Variants in EYS observed in about 807,000 individuals in gnomAD.
EYS encodes the protein EGF-like photoreceptor maintenance factor, also known as protein eyes shut homolog.
Under a neutral mutation model 282.1 loss-of-function variants are expected in EYS, and 250 were observed. That is an observed-to-expected ratio of 0.89 (90% confidence interval 0.80 to 0.98). The LOEUF (loss-of-function observed/expected upper bound fraction) is 0.98, where lower values mean the gene tolerates loss of function less well. Ranked by LOEUF, EYS falls within the 50% of genes least tolerant of loss-of-function variation. The pLI, the probability that EYS is intolerant of heterozygous loss-of-function variation, is 0.00. For missense variants in EYS, 4,016 were observed against 3,709.0 expected, an observed-to-expected ratio of 1.08 and a Z score of -2.15; for synonymous variants, 1,355 against 1,282.9, an observed-to-expected ratio of 1.06 and a Z score of -1.20.
At chr6:64,616,827 A>T (rs1767288372) in intron 24 of EYS, among the ~76,000 whole-genome samples, 1 of 152,126 alleles carries the variant, frequency 6.6e-6, no homozygotes, top group African/African-American at 2.4e-5. Context: ...TACATTTAAA[A>T]TTTCTGATAA....
At chr6:65,089,409 T>C (rs1036839593) in intron 12 of EYS, among the ~76,000 whole-genome samples, 8 of 152,176 alleles carry the variant, frequency 5.3e-5, no homozygotes, top group African/African-American at 1.4e-4. Context: ...TCAAAGGAGA[T>C]AGTTTTGGAA....
chr6:65,662,503 T>C (rs192530376), intron 1 of EYS, among the ~76,000 whole-genome samples: 72 of 152,332 alleles, frequency 4.7e-4, no homozygotes, highest in Non-Finnish European at 8.7e-4. Flanking sequence ...CTATTTTGCA[T>C]TGTTACATAC....
At position 64,461,060 on chromosome 6, in the gene EYS, T is replaced by C. The variant is rs186280048; in HGVS notation, c.5645-21708A>G. ...TGCACAAACACAGGGCAGTCCTTAA[T>C]ATGACTCCTGCTGATGGGAGTGCTT... On this transcript the variant is annotated intron_variant, in intron 26 of 42. Transcript: ENST00000503581. 1.7e-4 allele frequency among the ~76,000 whole-genome samples: 26 copies of C among 152,314 alleles called. No homozygotes were observed. In the East Asian group the frequency reaches 4.1e-3, roughly 24 times the overall value.
intron 26 of EYS, among the ~76,000 whole-genome samples, chr6:64,560,505 G>C (rs60501413): frequency 0.03 from 4,604 of 151,904 alleles, 153 homozygotes; most frequent in East Asian, 0.11. Context: ...CTTTCAATTC[G>C]CTTATTCTCT....
chr6:64,661,605 T>C (rs1016574450), intron 22 of EYS, among the ~76,000 whole-genome samples: 1 of 151,658 alleles, frequency 6.6e-6, no homozygotes, highest in African/African-American at 2.4e-5. Context: ...AAAGAAGACA[T>C]TTATGCAGCC....
chr6:64,307,162 C>T, intron 29 of EYS, 80 bp from the exon 30 acceptor site: 1 of 709,662 alleles, frequency 1.4e-6, no homozygotes, highest in East Asian at 2.9e-5. Flanking sequence ...TCAAACTGGT[C>T]AGGGTATGCA....
chr6:65,622,163 G>T (rs2149802682), intron 2 of EYS, among the ~76,000 whole-genome samples: 1 of 152,204 alleles, frequency 6.6e-6, no homozygotes, highest in African/African-American at 2.4e-5. Flanking sequence ...TCTCTCTGGG[G>T]CTCACTCTTC....
chr6:63,996,966 C>A (rs554376890), intron 34 of EYS, among the ~76,000 whole-genome samples: 51 of 152,240 alleles, frequency 3.3e-4, no homozygotes, highest in African/African-American at 1.2e-3. Flanking sequence ...CCTTTGGTGT[C>A]AATCTGGCTT....
chr6:64,810,136 A>T (rs950978767), intron 22 of EYS, among the ~76,000 whole-genome samples: 9 of 152,200 alleles, frequency 5.9e-5, no homozygotes, highest in Middle Eastern at 6.8e-3. Context: ...GAATAATTTT[A>T]AAAATTCCCC....
chr6:64,387,852 T>C (rs1040976176), intron 29 of EYS, among the ~76,000 whole-genome samples: 9 of 152,098 alleles, frequency 5.9e-5, no homozygotes, highest in Admixed American at 1.3e-4. Context: ...GTCAATTTTG[T>C]TTTTATGTCT....
At chr6:65,274,913 AG>A in intron 12 of EYS, among the ~76,000 whole-genome samples, 1 of 148,374 alleles carries the variant, frequency 6.7e-6, no homozygotes, top group East Asian at 2.0e-4. Flanking sequence ...AAAAAAGGAG[AG>A]AGAGAGAGAG....
At chr6:64,970,274 C>T (rs1770244931) in intron 14 of EYS, among the ~76,000 whole-genome samples, 1 of 152,026 alleles carries the variant, frequency 6.6e-6, no homozygotes, top group South Asian at 2.1e-4. Context: ...TAAAATTTAT[C>T]AAAGACTAAG....
At chr6:65,032,181 A>T (rs1237362281) in intron 13 of EYS, among the ~76,000 whole-genome samples, 2 of 152,194 alleles carry the variant, frequency 1.3e-5, no homozygotes, top group African/African-American at 2.4e-5. Flanking sequence ...ACCTCCCAAG[A>T]TTAAACCAGG....
chr6:65,240,274 T>C (rs1056537314), intron 12 of EYS, among the ~76,000 whole-genome samples: 1 of 152,072 alleles, frequency 6.6e-6, no homozygotes, highest in Non-Finnish European at 1.5e-5. Context: ...GGCTGATTTT[T>C]TTAAATTTCA....
Position 63,934,676 on chromosome 6 carries a change from G to A in EYS, c.7055+49707C>T, listed in dbSNP as rs902886863. ...AAAAAACCAAACACTGCATGTTCTC[G>A]CTCATAGGTGGGAATTGAACAATGA... is the stretch of plus-strand genomic sequence containing the variant. On this transcript the variant is annotated intron_variant, in intron 35 of 42. Transcript: ENST00000503581. 9.7e-4 allele frequency among the ~76,000 whole-genome samples: 145 copies of A among 148,928 alleles called. 1 individual carries two copies. Among genetic ancestry groups the A allele is most frequent in the African/African-American group, 3.2e-3 (132 of 40,682 alleles).
At chr6:64,303,010 G>A (rs560146796) in intron 30 of EYS, among the ~76,000 whole-genome samples, 1 of 152,172 alleles carries the variant, frequency 6.6e-6, no homozygotes, top group Non-Finnish European at 1.5e-5. Flanking sequence ...GGACCCTACA[G>A]GACCCGCATC....
At chr6:65,019,719 G>T (rs1327455969) in intron 13 of EYS, among the ~76,000 whole-genome samples, 1 of 152,094 alleles carries the variant, frequency 6.6e-6, no homozygotes. Context: ...TCTAACTCCA[G>T]GTAGGCACCC....
At chr6:65,467,766 T>C (rs1765059682) in intron 5 of EYS, among the ~76,000 whole-genome samples, 1 of 152,000 alleles carries the variant, frequency 6.6e-6, no homozygotes, top group African/African-American at 2.4e-5. Flanking sequence ...AGGTTAACAC[T>C]AGAAAATAAT....
intron 35 of EYS, among the ~76,000 whole-genome samples, chr6:63,879,477 A>G (rs1221177962): frequency 6.6e-6 from 1 of 152,190 alleles, no homozygotes; most frequent in Non-Finnish European, 1.5e-5. Flanking sequence ...CTTACATATC[A>G]ACAAAACAGT....
Sources: allele counts gnomAD v4.1 joint callset (sites outside exome capture counted in the v4.1 genomes callset), GRCh38; gene constraint gnomAD v4.1.1; transcripts MANE v1.5; gene names NCBI Gene and HGNC (gene_info 2026-07-23, HGNC 2026-07-21).